ADGB: variants seen among roughly 807,000 people sequenced by gnomAD.
The protein encoded by ADGB is calpain-7-like protein.
A neutral mutation model predicts 210.5 loss-of-function variants in ADGB; 172 were observed. The observed-to-expected ratio is 0.82, with a 90% CI of 0.72 to 0.93. The LOEUF is 0.93. Among genes scored for constraint, ADGB ranks in the 40% least tolerant of loss-of-function variants. The pLI is 0.00. For missense variants in ADGB, 2,025 were observed against 1,964.8 expected (o/e 1.03, Z -0.58); for synonymous variants, 658 against 662.7 (o/e 0.99, Z 0.11).
At chr6:146,696,263 A>G (rs1275342983) in intron 12 of ADGB, among the ~76,000 whole-genome samples, 1 of 151,942 alleles carries the variant, frequency 6.6e-6, no homozygotes, top group African/African-American at 2.4e-5. Context: ...TTTTGTAGAG[A>G]TGGGGTTTCA....
Position 146,664,202 on chromosome 6 carries a change from G to T in ADGB, c.614G>T (p.Gly205Val), listed in dbSNP as rs1384284462. 2 of 1,542,934 alleles carry T rather than the reference G, an allele frequency of 1.3e-6. No individual in the cohort carries two copies. The highest frequency in any genetic ancestry group is 1.7e-6 in the Non-Finnish European group (2 of 1,143,000). Reference protein sequence around the residue: ...GKYVVKLYWMGCWRKITIDDF... With the variant: ...GKYVVKLYWMVCWRKITIDDF... The stretch of plus-strand genomic sequence containing the variant: ...ACATTTCTTTCATCTTATTTTTAGG[G>T]TTGCTGGAGAAAGATAACAATTGAT... The change falls in exon 6 of 36, where the codon GGT (glycine) becomes GTT (valine). Residue 205 changes from glycine (G) to valine (V), a missense_variant and splice_region_variant. Transcript: ENST00000397944.
intron 35 of ADGB, among the ~76,000 whole-genome samples, chr6:146,810,685 G>A (rs1778290569): frequency 6.6e-6 from 1 of 152,078 alleles, no homozygotes; most frequent in African/African-American, 2.4e-5. Flanking sequence ...TATGCTAAGT[G>A]AAATATGCCA....
rs565162682 is a variant in ADGB, at chr6:146,699,393, T to C, written c.1578-1548T>C. 2.4e-4 allele frequency among the ~76,000 whole-genome samples: 37 copies of C among 152,280 alleles called. No homozygotes were observed. In the South Asian group the frequency reaches 7.7e-3, roughly 32 times the overall value. ...CCCAGAGTCCGAAGGGCAGAAGCCCTGGACTTTTGATGTCTAAGGGCAGGA... is the reference window on the plus strand; with the variant it reads ...CCCAGAGTCCGAAGGGCAGAAGCCCCGGACTTTTGATGTCTAAGGGCAGGA... On this transcript the variant is annotated intron_variant, in intron 12 of 35. Coordinates refer to ENST00000397944, the MANE Select transcript of ADGB (RefSeq NM_024694.4).
chr6:146,737,373 G>C (rs373471126), intron 23 of ADGB, among the ~76,000 whole-genome samples: 2 of 152,120 alleles, frequency 1.3e-5, no homozygotes, highest in Admixed American at 6.5e-5. Context: ...TCAATAAAAA[G>C]TATCCCAAGT....
intron 33 of ADGB, among the ~76,000 whole-genome samples, chr6:146,793,150 C>A (rs151196732): frequency 6.6e-6 from 1 of 152,174 alleles, no homozygotes; most frequent in Non-Finnish European, 1.5e-5. Context: ...ATCCTCCCCA[C>A]GATTGGCTAC....
chr6:146,655,733 G>A (rs944802534), intron 4 of ADGB, among the ~76,000 whole-genome samples: 7 of 151,728 alleles, frequency 4.6e-5, no homozygotes, highest in Non-Finnish European at 7.4e-5. Flanking sequence ...TTAGACTTTC[G>A]CTTTTCATTT....
At chr6:146,649,857 C>T (rs9497589) in intron 3 of ADGB, among the ~76,000 whole-genome samples, 91,847 of 151,994 alleles carry the variant, frequency 0.6, 27,822 homozygotes, top group Middle Eastern at 0.66. Flanking sequence ...TGAAAAGCAT[C>T]TGGACTTATT....
intron 1 of ADGB, among the ~76,000 whole-genome samples, chr6:146,626,258 C>T (rs187979867): frequency 4.6e-5 from 7 of 152,026 alleles, no homozygotes; most frequent in Admixed American, 2.6e-4. Context: ...TTATAAACCT[C>T]GTATTACATC....
intron 1 of ADGB, among the ~76,000 whole-genome samples, chr6:146,599,356 A>C (rs1200412774): frequency 6.6e-6 from 1 of 152,122 alleles, no homozygotes; most frequent in Non-Finnish European, 1.5e-5. Flanking sequence ...TTCAGCTCCC[A>C]TGGGTGAATC....
chr6:146,740,881 AAGCAAT>A, intron 24 of ADGB, among the ~76,000 whole-genome samples: 1 of 152,286 alleles, frequency 6.6e-6, no homozygotes, highest in Non-Finnish European at 1.5e-5. Flanking sequence ...TTTAATTTCT[AAGCAAT>A]AGCATATTTG....
Position 146,745,781 on chromosome 6 carries a change from C to A in ADGB, c.3178-141C>A. ...TCTAAGAGAAATTCCAAACATAATCCTAGTGATTCTATGTTTATTAAGAGA... is the reference window on the plus strand; with the variant it reads ...TCTAAGAGAAATTCCAAACATAATCATAGTGATTCTATGTTTATTAAGAGA... On this transcript the variant is annotated intron_variant, in intron 25 of 35. Transcript: ENST00000397944. 1.1e-5 allele frequency: 6 copies of A among 568,292 alleles called. No individual in the cohort carries two copies. The South Asian group carries it at 1.4e-4, about 13-fold the overall frequency. 35.2% of individuals were successfully genotyped at this position (568,292 alleles called of 1,614,324 possible). A position where few individuals can be genotyped will look rare whatever the true frequency, so the allele number is the denominator to read the frequency against.
intron 17 of ADGB, among the ~76,000 whole-genome samples, chr6:146,721,838 C>G (rs1776821373): frequency 6.6e-6 from 1 of 151,448 alleles, no homozygotes; most frequent in Non-Finnish European, 1.5e-5. Flanking sequence ...AACTCTCTCT[C>G]AAAAAAAATA....
At chr6:146,766,834 A>G (rs2114628678) in intron 28 of ADGB, among the ~76,000 whole-genome samples, 1 of 152,348 alleles carries the variant, frequency 6.6e-6, no homozygotes, top group East Asian at 1.9e-4. Flanking sequence ...ATTGCAAATA[A>G]CATAATAGAT....
chr6:146,706,904 T>C (rs1199236669), intron 13 of ADGB, among the ~76,000 whole-genome samples: 1 of 151,028 alleles, frequency 6.6e-6, no homozygotes, highest in African/African-American at 2.4e-5. Context: ...ATTATTTCCT[T>C]TCTTCTACTA....
intron 5 of ADGB, among the ~76,000 whole-genome samples, chr6:146,663,189 A>T (rs1775889924): frequency 6.9e-6 from 1 of 144,042 alleles, no homozygotes; most frequent in Non-Finnish European, 1.5e-5. Flanking sequence ...TATTATATAT[A>T]ATAATATTAA....
chr6:146,635,143 C>T (rs1775394093), intron 1 of ADGB, among the ~76,000 whole-genome samples: 1 of 151,844 alleles, frequency 6.6e-6, no homozygotes, highest in Non-Finnish European at 1.5e-5. Context: ...ATTCTTGCAT[C>T]AGTAAGTAGG....
intron 8 of ADGB, among the ~76,000 whole-genome samples, chr6:146,674,779 A>G (rs1463088382): frequency 6.6e-6 from 1 of 152,198 alleles, no homozygotes; most frequent in Admixed American, 6.5e-5. Context: ...GGATGAAATG[A>G]CAGAGGAGCA....
At chr6:146,754,048 A>T (rs1460457540) in intron 27 of ADGB, among the ~76,000 whole-genome samples, 2 of 151,408 alleles carry the variant, frequency 1.3e-5, no homozygotes, top group African/African-American at 4.8e-5. Context: ...TAGGGGAGAG[A>T]CATTCATTTG....
chr6:146,664,344 T>G lies in ADGB; in HGVS notation c.752+4T>G. On this transcript the variant is annotated splice_donor_region_variant and intron_variant, in intron 6 of 35. Transcript: ENST00000397944. ...TTATCAAGCTGGCAAATATTGAGTA[T>G]GTAATGACACTATCACTCACATGAA... 6.5e-7 allele frequency: 1 copy of G among 1,546,482 alleles called. No individual in the cohort carries two copies. Among genetic ancestry groups the G allele is most frequent in the Non-Finnish European group, 8.7e-7 (1 of 1,145,014 alleles).
Sources: gnomAD v4.1 joint callset for allele counts (sites outside exome capture counted in the v4.1 genomes callset) on GRCh38, gnomAD v4.1.1 for gene constraint, MANE v1.5 for transcripts, NCBI Gene and HGNC (gene_info 2026-07-23, HGNC 2026-07-21) for gene names.